TRIM4: variants seen among roughly 807,000 people sequenced by gnomAD.
TRIM4 encodes the protein tripartite motif containing 4, also known as E3 ubiquitin-protein ligase TRIM4.
A neutral mutation model predicts 33.7 loss-of-function variants in TRIM4; 29 were observed. The ratio of observed to expected loss-of-function variants is 0.86; its 90% CI spans 0.64 to 1.17. TRIM4 has a LOEUF of 1.17. TRIM4 is among the 50% of genes most tolerant of loss of function. TRIM4 has a pLI of 0.00. For missense variants in TRIM4, 554 were observed against 593.7 expected (o/e 0.93, Z 0.69); for synonymous variants, 224 against 233.0 (o/e 0.96, Z 0.35).
In TRIM4 at chr7:99,892,310, A is replaced by G; in HGVS notation, c.1278T>C (p.Arg426=). 6.2e-7 allele frequency: 1 copy of G among 1,614,190 alleles called. No homozygotes were observed. Among genetic ancestry groups the G allele is most frequent in the Non-Finnish European group, 8.5e-7 (1 of 1,180,040 alleles). The stretch of plus-strand genomic sequence containing the variant: ...TGTAGAAGGAGACATTCCCAGTCCC[A>G]CGATCCAGGTAAACCCCCACTCGGT... The part of the protein sequence containing the change: ...ALHRVGVYLD[R]GTGNVSFYSA... The change falls in exon 6 of 6, where the codon CGT becomes CGC. Residue 426 remains arginine (R), a synonymous_variant. Transcript: ENST00000349062.
chr7:99,905,563 G>A (rs1346745927), intron 3 of TRIM4, among the ~76,000 whole-genome samples: 1 of 152,178 alleles, frequency 6.6e-6, no homozygotes, highest in Non-Finnish European at 1.5e-5. Context: ...GGCTGGATAA[G>A]TCTTTGCTGG....
intron 1 of TRIM4, among the ~76,000 whole-genome samples, chr7:99,915,448 C>G (rs1819533664): frequency 6.6e-6 from 1 of 152,186 alleles, no homozygotes; most frequent in African/African-American, 2.4e-5. Context: ...AGCTATTTCT[C>G]TTTCTCTTTT....
chr7:99,903,716 T>G, intron 3 of TRIM4, 118 bp from the exon 4 acceptor site: 1 of 1,148,774 alleles, frequency 8.7e-7, no homozygotes, highest in Non-Finnish European at 1.3e-6. Flanking sequence ...TATGATCTCC[T>G]GCTGCCAAAG....
chr7:99,900,585 T>C (rs1457427089), intron 5 of TRIM4, among the ~76,000 whole-genome samples: 1 of 152,246 alleles, frequency 6.6e-6, no homozygotes, highest in African/African-American at 2.4e-5. Flanking sequence ...TCTGGCATTT[T>C]CCTTCTGTCT....
intron 3 of TRIM4, among the ~76,000 whole-genome samples, chr7:99,904,272 A>G (rs1160074918): frequency 3.3e-5 from 5 of 152,196 alleles, no homozygotes. Context: ...AGCTCCTCCA[A>G]AAACCTGTAA....
At chr7:99,903,621 A>G (rs184250391) in intron 3 of TRIM4, 23 bp from the exon 4 acceptor site, 2 of 1,614,232 alleles carry the variant, frequency 1.2e-6, no homozygotes, top group South Asian at 1.1e-5. Flanking sequence ...GGAAGACATA[A>G]GCAAATTACG....
intron 5 of TRIM4, among the ~76,000 whole-genome samples, chr7:99,897,368 G>T (rs1328238920): frequency 6.6e-6 from 1 of 152,160 alleles, no homozygotes; most frequent in Non-Finnish European, 1.5e-5. Context: ...CAAACAGAGT[G>T]GGAGACAGTC....
chr7:99,912,197 A>G (rs1424272188), intron 1 of TRIM4, among the ~76,000 whole-genome samples: 1 of 152,246 alleles, frequency 6.6e-6, no homozygotes. Flanking sequence ...CAAATGTACA[A>G]CTAAGATTTG....
intron 5 of TRIM4, among the ~76,000 whole-genome samples, chr7:99,897,366 G>A (rs1819041149): frequency 6.6e-6 from 1 of 152,178 alleles, no homozygotes; most frequent in South Asian, 2.1e-4. Context: ...TTCAAACAGA[G>A]TGGGAGACAG....
At chr7:99,893,854 C>G (rs532784850) in intron 5 of TRIM4, among the ~76,000 whole-genome samples, 1 of 152,198 alleles carries the variant, frequency 6.6e-6, no homozygotes, top group African/African-American at 2.4e-5. Flanking sequence ...TCCCTTCCCT[C>G]TAACTCTCCA....
In TRIM4 at chr7:99,904,740, T is replaced by C. The variant is rs1291532511; in HGVS notation, c.721-1142A>G. ...TCAATCTCACTAGTTATCAGGAAAA[T>C]GCTTTATCTGGATGAGTACAGTGGC... On this transcript the variant is annotated intron_variant, in intron 3 of 5. Transcript: ENST00000349062. Among the ~76,000 whole-genome samples, 6 of 152,050 alleles carry C rather than the reference T, an allele frequency of 3.9e-5. No homozygotes were observed. In the East Asian group the frequency reaches 1.2e-3, roughly 29 times the overall value.
chr7:99,895,431 G>A (rs964781496), intron 5 of TRIM4, among the ~76,000 whole-genome samples: 20 of 152,076 alleles, frequency 1.3e-4, no homozygotes, highest in African/African-American at 2.9e-4. Context: ...CTGAATGATC[G>A]GAATCCTTTG....
chr7:99,903,883 C>T (rs933072127), intron 3 of TRIM4, among the ~76,000 whole-genome samples: 2 of 152,348 alleles, frequency 1.3e-5, no homozygotes, highest in Middle Eastern at 3.4e-3. Flanking sequence ...AATCACAGAG[C>T]CTGCTCCTTT....
intron 3 of TRIM4, among the ~76,000 whole-genome samples, chr7:99,906,078 G>A (rs1359242315): frequency 6.6e-6 from 1 of 152,124 alleles, no homozygotes. Flanking sequence ...CCGGGAGGCA[G>A]AGGTTGCAGT....
chr7:99,904,720 C>T (rs1482465096), intron 3 of TRIM4, among the ~76,000 whole-genome samples: 1 of 152,124 alleles, frequency 6.6e-6, no homozygotes, highest in Non-Finnish European at 1.5e-5. Context: ...AGTGCTCAAT[C>T]TCACTAGTTA....
intron 5 of TRIM4, among the ~76,000 whole-genome samples, chr7:99,893,632 C>T (rs930236496): frequency 1.3e-5 from 2 of 152,174 alleles, no homozygotes; most frequent in Non-Finnish European, 1.5e-5. Flanking sequence ...GTCCCCTCCA[C>T]CTGAACACTC....
chr7:99,903,355 G>A lies in TRIM4; in HGVS notation c.744-40C>T, dbSNP rs754050061. The A allele has an allele frequency of 5.9e-6, 9 of 1,516,358 alleles. No homozygotes were observed. The Admixed American group carries it at 9.0e-5, about 15-fold the overall frequency. The allele number at this position is 1,516,358 out of a possible 1,614,324, so 93.9% of individuals were successfully genotyped here. A position where few individuals can be genotyped will look rare whatever the true frequency, so the allele number is the denominator to read the frequency against. On this transcript the variant is annotated intron_variant, in intron 4 of 5. Transcript: ENST00000349062. ...AAGACTGCTCTTAGGGGACAACTAG[G>A]GTAGCCAAGACCTCCACTCCCGGTC... is the stretch of plus-strand genomic sequence containing the variant.
chr7:99,919,490 T>G lies in TRIM4; in HGVS notation c.-89A>C. 1 of 1,362,556 alleles carries G rather than the reference T, an allele frequency of 7.3e-7. No individual in the cohort carries two copies. The highest frequency in any genetic ancestry group is 1.6e-5 in the South Asian group (1 of 62,568). The allele number at this position is 1,362,556 out of a possible 1,614,324, so 84.4% of individuals were successfully genotyped here. A position where few individuals can be genotyped will look rare whatever the true frequency, so the allele number is the denominator to read the frequency against. ...GCGGCCGCGGGGAGGCCAGACGACT[T>G]CCGAACCGCCGTCACCGCCTCACGT... On this transcript the variant is annotated 5_prime_UTR_variant, in exon 1 of 6. Coordinates refer to ENST00000349062, the MANE Select transcript of TRIM4 (RefSeq NM_033091.3).
chr7:99,906,923 T>C (rs550046898), intron 3 of TRIM4, among the ~76,000 whole-genome samples: 4 of 152,172 alleles, frequency 2.6e-5, no homozygotes, highest in Non-Finnish European at 5.9e-5. Context: ...TTATTTGTAG[T>C]GGTAATGGTG....
Sources: gnomAD v4.1 joint callset for allele counts (sites outside exome capture counted in the v4.1 genomes callset) on GRCh38, gnomAD v4.1.1 for gene constraint, MANE v1.5 for transcripts, NCBI Gene and HGNC (gene_info 2026-07-23, HGNC 2026-07-21) for gene names.